Variants in RRM2B observed in about 807,000 individuals in gnomAD.
RRM2B encodes the protein ribonucleotide reductase regulatory TP53 inducible subunit M2B.
In RRM2B, 20 loss-of-function variants were observed where a neutral mutation model predicts 45.9. That is an observed-to-expected ratio of 0.44 (90% CI 0.31 to 0.63). The LOEUF (loss-of-function observed/expected upper bound fraction) is 0.63, where lower values mean the gene tolerates loss of function less well. Among genes scored for constraint, RRM2B ranks in the 30% least tolerant of loss-of-function variants. The pLI, the probability that RRM2B is intolerant of heterozygous loss-of-function variation, is 0.09. For missense variants in RRM2B, 320 were observed against 414.7 expected (o/e 0.77, Z 1.98); for synonymous variants, 124 against 132.3 (o/e 0.94, Z 0.43).
chr8:102,228,773 C>A (rs139937073), intron 2 of RRM2B, among the ~76,000 whole-genome samples: 239 of 152,370 alleles, frequency 1.6e-3, no homozygotes, highest in African/African-American at 5.4e-3. Context: ...GTGGAGTTTG[C>A]CCCTGCCAGC....
At chr8:102,215,037 C>A in intron 6 of RRM2B, among the ~76,000 whole-genome samples, 1 of 75,710 alleles carries the variant, frequency 1.3e-5, no homozygotes, top group Admixed American at 1.7e-4. Flanking sequence ...TAGTATAGAG[C>A]TAAATATTAA....
rs931814056 is a variant in RRM2B, at chr8:102,224,808, T to C, written c.455+77A>G. 1.7e-5 allele frequency: 23 copies of C among 1,354,658 alleles called. No homozygotes were observed. The Admixed American group carries it at 1.9e-4, about 11-fold the overall frequency. 83.9% of individuals were successfully genotyped at this position (1,354,658 alleles called of 1,614,324 possible). ...ATACTTGAATAATCTTTCCTTAACA[T>C]TGAGTTTTGGAATAAATTCTGATCT... is the stretch of plus-strand genomic sequence containing the variant. On this transcript the variant is annotated intron_variant, in intron 4 of 8. Transcript: ENST00000251810.
At chr8:102,212,917 G>A in intron 7 of RRM2B, 28 bp from the exon 8 acceptor site, 1 of 1,116,064 alleles carries the variant, frequency 9.0e-7, no homozygotes, top group Non-Finnish European at 1.4e-6. Context: ...ACAGAATAAA[G>A]TACAAACAAA....
At chr8:102,238,375 C>G in intron 1 of RRM2B, 1 of 414,378 alleles carries the variant, frequency 2.4e-6, no homozygotes, top group Non-Finnish European at 4.3e-6. Context: ...ATCTTCACCC[C>G]AGCCACCTGT....
At chr8:102,222,140 A>T (rs1350308259) in intron 5 of RRM2B, among the ~76,000 whole-genome samples, 1 of 150,024 alleles carries the variant, frequency 6.7e-6, no homozygotes, top group Non-Finnish European at 1.5e-5. Flanking sequence ...AGCACAGTGG[A>T]TCATAGCTCA....
intron 2 of RRM2B, among the ~76,000 whole-genome samples, chr8:102,231,024 C>G (rs146340229): frequency 1.6e-3 from 238 of 152,242 alleles, no homozygotes; most frequent in African/African-American, 5.4e-3. Context: ...GAATTAATGT[C>G]TTGAAAAATA....
intron 6 of RRM2B, among the ~76,000 whole-genome samples, chr8:102,218,111 A>G (rs28928597): frequency 0.068 from 10,319 of 152,298 alleles, 359 homozygotes; most frequent in Middle Eastern, 0.14. Context: ...AATGTCTAAC[A>G]TGCACTAGCA....
At chr8:102,219,160 G>C in intron 5 of RRM2B, 1 of 581,108 alleles carries the variant, frequency 1.7e-6, no homozygotes, top group Non-Finnish European at 3.0e-6. Context: ...TCTGTCAGAC[G>C]ATGGACTTCT....
At chr8:102,228,482 G>A (rs1053607818) in intron 2 of RRM2B, among the ~76,000 whole-genome samples, 2 of 152,200 alleles carry the variant, frequency 1.3e-5, no homozygotes, top group African/African-American at 2.4e-5. Flanking sequence ...CTGACCCTCT[G>A]CCCTCACTGG....
At chr8:102,230,869 A>C (rs1384465540) in intron 2 of RRM2B, among the ~76,000 whole-genome samples, 3 of 152,212 alleles carry the variant, frequency 2.0e-5, no homozygotes, top group Non-Finnish European at 2.9e-5. Context: ...GCCAAGTACA[A>C]TTAGCCTAAT....
chr8:102,226,186 A>G (rs1048129460), intron 2 of RRM2B, 152 bp from the exon 3 acceptor site: 1 of 624,080 alleles, frequency 1.6e-6, no homozygotes, highest in African/African-American at 1.8e-5. Flanking sequence ...AATAAAAAAA[A>G]AAGTTATGTT....
chr8:102,233,121 C>T (rs1811060652), intron 1 of RRM2B, among the ~76,000 whole-genome samples: 1 of 152,140 alleles, frequency 6.6e-6, no homozygotes, highest in African/African-American at 2.4e-5. Flanking sequence ...CGTGTATAAA[C>T]CAGGATTAGA....
At chr8:102,222,233 AC>A (rs1206417738) in intron 5 of RRM2B, among the ~76,000 whole-genome samples, 1 of 151,964 alleles carries the variant, frequency 6.6e-6, no homozygotes, top group African/African-American at 2.4e-5. Flanking sequence ...ATGCCACCAC[AC>A]CTGGCTAGTT....
intron 7 of RRM2B, 142 bp downstream of exon 7, chr8:102,213,912 C>T: frequency 1.5e-6 from 1 of 672,556 alleles, no homozygotes; most frequent in Non-Finnish European, 2.7e-6. Flanking sequence ...TGTAATATAT[C>T]ATGTATTGGT....
intron 6 of RRM2B, among the ~76,000 whole-genome samples, chr8:102,215,544 A>G (rs777749617): frequency 1.4e-4 from 21 of 152,306 alleles, no homozygotes; most frequent in Non-Finnish European, 2.8e-4. Flanking sequence ...TGTGTTTGTA[A>G]TTTATTTTAA....
chr8:102,232,453 C>CT lies in RRM2B; in HGVS notation c.49-150dup, dbSNP rs1811049318. ...ATCCTTACTGTTACCTGGTAGCTGACTAATACTGTTAGGAAGTGCGTGTGT... is the reference window on the plus strand; with the variant it reads ...ATCCTTACTGTTACCTGGTAGCTGACTTAATACTGTTAGGAAGTGCGTGTGT... On this transcript the variant is annotated intron_variant, in intron 1 of 8. Transcript: ENST00000251810. 3 of 765,466 alleles carry CT rather than the reference C, an allele frequency of 3.9e-6. No individual in the cohort carries two copies. In the African/African-American group the frequency reaches 5.2e-5, roughly 13 times the overall value. The allele number at this position is 765,466 out of a possible 1,614,324, so 47.4% of individuals were successfully genotyped here.
intron 5 of RRM2B, among the ~76,000 whole-genome samples, chr8:102,223,217 C>A (rs928972785): frequency 2.0e-5 from 3 of 152,050 alleles, no homozygotes; most frequent in Non-Finnish European, 4.4e-5. Context: ...ATATGATACA[C>A]TTCCTTAAAA....
chr8:102,204,782 CCAGA>C lies in RRM2B; in HGVS notation c.*3347_*3350del, dbSNP rs1810515237. 1 of 151,980 alleles carries C rather than the reference CCAGA, an allele frequency of 6.6e-6. No homozygotes were observed. The highest frequency in any genetic ancestry group is 1.5e-5 in the Non-Finnish European group (1 of 67,976). 9.4% of individuals were successfully genotyped at this position (151,980 alleles called of 1,614,324 possible). ...AATAGTAAATAACTTTGCTAAATGG[CCAGA>C]CATTTGAAAAAATGAAAACACAGTT... is the stretch of plus-strand genomic sequence containing the variant. On this transcript the variant is annotated 3_prime_UTR_variant, in exon 9 of 9. Transcript: ENST00000251810.
At chr8:102,233,875 G>C (rs998350660) in intron 1 of RRM2B, among the ~76,000 whole-genome samples, 1 of 152,104 alleles carries the variant, frequency 6.6e-6, no homozygotes, top group Non-Finnish European at 1.5e-5. Context: ...GCATAGATCA[G>C]AGTAGTGTGA....
Sources: allele counts gnomAD v4.1 joint callset (sites outside exome capture counted in the v4.1 genomes callset), GRCh38; gene constraint gnomAD v4.1.1; transcripts MANE v1.5; gene names NCBI Gene and HGNC (gene_info 2026-07-23, HGNC 2026-07-21).